Variants in MIGA1 observed in about 807,000 individuals in gnomAD.
The protein encoded by MIGA1 is family with sequence similarity 73, member A.
MIGA1 carries 58 observed loss-of-function variants against 82.0 expected under a neutral mutation model. The ratio of observed to expected loss-of-function variants is 0.71; its 90% CI spans 0.57 to 0.88. MIGA1 has a LOEUF of 0.88. Ranked by LOEUF, MIGA1 falls within the 40% of genes least tolerant of loss-of-function variation. The pLI is 0.00. For missense variants in MIGA1, 751 were observed against 749.1 expected, an observed-to-expected ratio of 1.00 and a Z score of -0.03; for synonymous variants, 249 against 253.6, an observed-to-expected ratio of 0.98 and a Z score of 0.17.
At position 77,779,689 on chromosome 1, in the gene MIGA1, T is replaced by C; in HGVS notation, c.34T>C (p.Trp12Arg). ...CTGCTGCTCAGCGCCAGGCATCAGCTGGGAAGCTGGCGTGGGCAGGCCAGC... is the reference window on the plus strand; with the variant it reads ...CTGCTGCTCAGCGCCAGGCATCAGCCGGGAAGCTGGCGTGGGCAGGCCAGC... The change falls in exon 1 of 16, where the codon TGG (tryptophan) becomes CGG (arginine). Residue 12 changes from tryptophan (W) to arginine (R), a missense_variant. Physicochemically the swap from Trp to Arg is moderately radical, Grantham distance 101. Coordinates refer to ENST00000370791, the MANE Select transcript of MIGA1 (RefSeq NM_198549.4). 1 of 1,580,118 alleles carries C rather than the reference T, an allele frequency of 6.3e-7. No individual in the cohort carries two copies. The highest frequency in any genetic ancestry group is 8.6e-7 in the Non-Finnish European group (1 of 1,162,862).
At position 77,807,022 on chromosome 1, in the gene MIGA1, T is replaced by C; in HGVS notation, c.558T>C (p.Asn186=). The C allele has an allele frequency of 6.2e-7, 1 of 1,611,270 alleles. No homozygotes were observed. Among genetic ancestry groups the C allele is most frequent in the Non-Finnish European group, 8.5e-7 (1 of 1,177,558 alleles). Residue 186 remains asparagine (N), a synonymous_variant, in exon 5 of 16, where the codon AAT becomes AAC. Coordinates refer to ENST00000370791, the MANE Select transcript of MIGA1 (RefSeq NM_198549.4). ...ATAGCTGCGCTTGTGGCAATTCTAA[T>C]TCCTGGGACAAAGCAGATGAAGATG...
intron 2 of MIGA1, among the ~76,000 whole-genome samples, chr1:77,787,135 CT>C (rs1285507123): frequency 6.6e-6 from 1 of 152,120 alleles, no homozygotes; most frequent in Non-Finnish European, 1.5e-5. Flanking sequence ...TCTCGTGAGA[CT>C]TATGCGCTGT....
intron 8 of MIGA1, among the ~76,000 whole-genome samples, chr1:77,856,522 G>T (rs533633372): frequency 2.6e-5 from 4 of 151,856 alleles, no homozygotes. Context: ...TTTTTAATCG[G>T]TAATTTTTTA....
chr1:77,795,632 CT>C (rs774683958), intron 2 of MIGA1, among the ~76,000 whole-genome samples: 265 of 136,128 alleles, frequency 1.9e-3, no homozygotes, highest in Middle Eastern at 3.8e-3. Flanking sequence ...ATATTACTTT[CT>C]TTTTTTTTTT....
At chr1:77,811,540 T>C (rs910877384) in intron 5 of MIGA1, 42 of 1,603,858 alleles carry the variant, frequency 2.6e-5, no homozygotes, top group Non-Finnish European at 3.2e-5. Context: ...TTCTTGAGAC[T>C]GTGTGGACTG....
At chr1:77,840,777 A>T (rs1042281793) in intron 7 of MIGA1, among the ~76,000 whole-genome samples, 1 of 152,110 alleles carries the variant, frequency 6.6e-6, no homozygotes, top group Non-Finnish European at 1.5e-5. Flanking sequence ...GCGCCATTGC[A>T]CTCCAGCCTA....
chr1:77,874,602 C>T (rs1056107867), intron 15 of MIGA1, among the ~76,000 whole-genome samples: 1 of 151,914 alleles, frequency 6.6e-6, no homozygotes, highest in Middle Eastern at 3.2e-3. Flanking sequence ...TTTTGATCAT[C>T]ATGTCATCCC....
Position 77,863,907 on chromosome 1 carries a change from AT to A in MIGA1, c.1393del (p.Tyr465MetfsTer9). ...AATTTAATGCAGGTGAAAAATCTAA[AT>A]TTTTATGATGTTGTTCTGGATTTTA... On this transcript the variant is annotated frameshift_variant, in exon 13 of 16. Transcript: ENST00000370791. LOFTEE classifies it high-confidence loss of function. The A allele has an allele frequency of 6.4e-7, 1 of 1,561,104 alleles. No individual in the cohort carries two copies. The highest frequency in any genetic ancestry group is 1.4e-5 in the African/African-American group (1 of 72,082).
chr1:77,858,843 CTTCTGGGTTCAAAT>C (rs1685361084), intron 8 of MIGA1, 81 bp from the exon 9 acceptor site: 2 of 711,562 alleles, frequency 2.8e-6, no homozygotes, highest in South Asian at 1.8e-5. Flanking sequence ...TGGTTTCAAA[CTTCTGGGTTCAAAT>C]GATCCTCCCA....
intron 8 of MIGA1, among the ~76,000 whole-genome samples, chr1:77,856,016 G>A (rs2101925214): frequency 6.6e-6 from 1 of 152,190 alleles, no homozygotes; most frequent in Non-Finnish European, 1.5e-5. Context: ...TCAGTATTAT[G>A]TTGGCTGTGG....
At chr1:77,823,864 TTGCCACATAG>T (rs1222284559) in intron 7 of MIGA1, among the ~76,000 whole-genome samples, 10 of 152,220 alleles carry the variant, frequency 6.6e-5, no homozygotes, top group Non-Finnish European at 1.3e-4. Context: ...TGTTTCTCTG[TTGCCACATAG>T]GTCGTGACAC....
chr1:77,864,775 A>G (rs1176505121), intron 13 of MIGA1, among the ~76,000 whole-genome samples: 1 of 152,238 alleles, frequency 6.6e-6, no homozygotes, highest in Non-Finnish European at 1.5e-5. Flanking sequence ...TATTCAGCTC[A>G]GGCATATACG....
chr1:77,865,960 T>C (rs1374370701), intron 13 of MIGA1, among the ~76,000 whole-genome samples: 1 of 152,180 alleles, frequency 6.6e-6, no homozygotes, highest in Non-Finnish European at 1.5e-5. Context: ...GTCGCTAGGC[T>C]GGAGTGCAGT....
At chr1:77,847,357 A>G in intron 8 of MIGA1, 1 of 998,250 alleles carries the variant, frequency 1.0e-6, no homozygotes, top group Non-Finnish European at 1.6e-6. Context: ...GAAATGCAGG[A>G]AAAAAAGGAG....
At chr1:77,806,362 G>A (rs773809898) in intron 4 of MIGA1, among the ~76,000 whole-genome samples, 2 of 152,164 alleles carry the variant, frequency 1.3e-5, no homozygotes, top group African/African-American at 2.4e-5. Context: ...TTGTTATGTC[G>A]AAAGTGTCTG....
intron 14 of MIGA1, among the ~76,000 whole-genome samples, chr1:77,871,824 T>G (rs1646839854): frequency 6.6e-6 from 1 of 152,222 alleles, no homozygotes; most frequent in Admixed American, 6.5e-5. Context: ...TTTACTAGTT[T>G]TTTTTTGGTC....
At chr1:77,815,461 C>G (rs887598933) in intron 7 of MIGA1, among the ~76,000 whole-genome samples, 1 of 152,074 alleles carries the variant, frequency 6.6e-6, no homozygotes, top group African/African-American at 2.4e-5. Context: ...CAGGCTGTGA[C>G]ATTATTTTAA....
chr1:77,811,147 C>T (rs1275147149), intron 5 of MIGA1: 25 of 1,534,538 alleles, frequency 1.6e-5, no homozygotes, highest in Non-Finnish European at 2.2e-5. Flanking sequence ...ATCTTCTTTT[C>T]TTGAAGCCAC....
intron 7 of MIGA1, among the ~76,000 whole-genome samples, chr1:77,819,939 G>A (rs1683736341): frequency 1.3e-5 from 2 of 151,968 alleles, no homozygotes; most frequent in South Asian, 2.1e-4. Context: ...TAGGACAGAC[G>A]TCTTCCTTGA....
Sources: allele counts gnomAD v4.1 joint callset (sites outside exome capture counted in the v4.1 genomes callset), GRCh38; gene constraint gnomAD v4.1.1; transcripts MANE v1.5; gene names NCBI Gene and HGNC (gene_info 2026-07-23, HGNC 2026-07-21).